Variants in KIRREL3 observed in about 807,000 individuals in gnomAD.
The protein encoded by KIRREL3 is kin of IRRE-like protein 3.
In KIRREL3, 36 loss-of-function variants were observed where a neutral mutation model predicts 89.7. The ratio of observed to expected loss-of-function variants is 0.40; its 90% CI spans 0.31 to 0.53. The LOEUF is 0.53. KIRREL3 is among the 20% of genes least tolerant of loss of function. The probability of loss-of-function intolerance (pLI) is 0.49; values close to 1 mark genes in which losing one functional copy is unlikely to be tolerated. For missense variants in KIRREL3, 864 were observed against 1,056.6 expected (o/e 0.82, Z 2.53); for synonymous variants, 445 against 441.4 (o/e 1.01, Z -0.10).
chr11:126,738,965 CTG>C (rs2134213737), intron 1 of KIRREL3, among the ~76,000 whole-genome samples: 1 of 152,344 alleles, frequency 6.6e-6, no homozygotes, highest in Non-Finnish European at 1.5e-5. Context: ...TGACTGCCTA[CTG>C]TGTTCCAGGT....
rs778757216 is a variant in KIRREL3 at position 126,526,734 on chromosome 11, G to A, written c.134-47C>T. 1.3e-5 allele frequency: 20 copies of A among 1,529,850 alleles called. No individual in the cohort carries two copies. The South Asian group carries it at 2.4e-4, about 18-fold the overall frequency. 94.8% of individuals were successfully genotyped at this position (1,529,850 alleles called of 1,614,324 possible). ...TGGTCAGTTATCTGCCGGCTACAGGGGCGAGAAGGCTCCCCTCCAGCTATG... is the reference window on the plus strand; with the variant it reads ...TGGTCAGTTATCTGCCGGCTACAGGAGCGAGAAGGCTCCCCTCCAGCTATG... On this transcript the variant is annotated intron_variant, in intron 2 of 16. Coordinates refer to ENST00000525144, the MANE Select transcript of KIRREL3 (RefSeq NM_032531.4). The surrounding 1 kb of genome is among the most constrained non-coding windows in gnomAD (Gnocchi z 5.7).
chr11:126,644,620 G>A (rs1944594593), intron 1 of KIRREL3, among the ~76,000 whole-genome samples: 1 of 152,164 alleles, frequency 6.6e-6, no homozygotes, highest in Admixed American at 6.5e-5. Flanking sequence ...GGAAGATGGA[G>A]TCATGTCCAG....
At chr11:126,539,349 T>C (rs1468487367) in intron 2 of KIRREL3, among the ~76,000 whole-genome samples, 2 of 152,142 alleles carry the variant, frequency 1.3e-5, no homozygotes, top group Non-Finnish European at 2.9e-5. Flanking sequence ...GTGTGGGCCC[T>C]TGAACGTGTG....
chr11:126,629,015 G>A (rs1294198031), intron 1 of KIRREL3, among the ~76,000 whole-genome samples: 2 of 152,218 alleles, frequency 1.3e-5, no homozygotes, highest in Non-Finnish European at 2.9e-5. Context: ...TGGAATGCAG[G>A]CAGAAGATTT....
In KIRREL3 at chr11:126,537,369, T is replaced by C. The variant is rs184758084; in HGVS notation, c.134-10682A>G. On this transcript the variant is annotated intron_variant, in intron 2 of 16. Coordinates refer to ENST00000525144, the MANE Select transcript of KIRREL3 (RefSeq NM_032531.4). This position sits in a 1 kb window ranked among gnomAD's most constrained non-coding sequence, Gnocchi z 4.3. ...ATAAAGTGGTCTCATAGAGAAGTCATATAAAGCTTTTCAGGGGTTTAAGAG... is the reference window on the plus strand; with the variant it reads ...ATAAAGTGGTCTCATAGAGAAGTCACATAAAGCTTTTCAGGGGTTTAAGAG... Among the ~76,000 whole-genome samples, 1 of 152,260 alleles carries C rather than the reference T, an allele frequency of 6.6e-6. No homozygotes were observed. Among genetic ancestry groups the C allele is most frequent in the East Asian group, 1.9e-4 (1 of 5,166 alleles).
At chr11:126,675,932 C>T (rs575250919) in intron 1 of KIRREL3, among the ~76,000 whole-genome samples, 192 of 152,142 alleles carry the variant, frequency 1.3e-3, no homozygotes, top group South Asian at 9.2e-3. Context: ...ATTGAATGAA[C>T]GTGTTGACTG....
rs1347785873 is a variant in KIRREL3 at position 126,876,625 on chromosome 11, C to T, written c.55+123830G>A. The stretch of plus-strand genomic sequence containing the variant: ...CGACCTTGGCCCACTGCAACCTCCA[C>T]CTCCAGGGTTCAAGCAATTGTCCTG... On this transcript the variant is annotated intron_variant, in intron 1 of 16. Transcript: ENST00000525144. This position sits in a 1 kb window ranked among gnomAD's most constrained non-coding sequence, Gnocchi z 4.1. Among the ~76,000 whole-genome samples, 1 of 151,806 alleles carries T rather than the reference C, an allele frequency of 6.6e-6. No homozygotes were observed. The highest frequency in any genetic ancestry group is 2.4e-5 in the African/African-American group (1 of 41,314).
rs544762484 is a variant in KIRREL3, at chr11:126,576,744, T to C, written c.56-13832A>G. On this transcript the variant is annotated intron_variant, in intron 1 of 16. Coordinates refer to ENST00000525144, the MANE Select transcript of KIRREL3 (RefSeq NM_032531.4). The surrounding 1 kb of genome is among the most constrained non-coding windows in gnomAD (Gnocchi z 5.4). ...TTTGCTTCCTTTCTTCTCAGGCACT[T>C]AGATTTTTGATGCACACTGAGAGGG... is the stretch of plus-strand genomic sequence containing the variant. 6.1e-4 allele frequency among the ~76,000 whole-genome samples: 93 copies of C among 152,290 alleles called. No individual in the cohort carries two copies. The South Asian group carries it at 7.7e-3, about 13-fold the overall frequency.
At chr11:126,847,014 A>G (rs544827343) in intron 1 of KIRREL3, among the ~76,000 whole-genome samples, 1 of 152,198 alleles carries the variant, frequency 6.6e-6, no homozygotes, top group Non-Finnish European at 1.5e-5. Flanking sequence ...CTCTTTAACA[A>G]AATTACAAAG....
Position 126,455,350 on chromosome 11 carries a change from G to A in KIRREL3, c.848+999C>T, listed in dbSNP as rs1591566531. Among the ~76,000 whole-genome samples, 1 of 152,216 alleles carries A rather than the reference G, an allele frequency of 6.6e-6. No homozygotes were observed. The highest frequency in any genetic ancestry group is 1.5e-5 in the Non-Finnish European group (1 of 68,040). On this transcript the variant is annotated intron_variant, in intron 7 of 16. Coordinates refer to ENST00000525144, the MANE Select transcript of KIRREL3 (RefSeq NM_032531.4). This position sits in a 1 kb window ranked among gnomAD's most constrained non-coding sequence, Gnocchi z 6.4. ...GCAGAAAGGCGCCCAGAGGAAGCGT[G>A]TGTTTATTGGATCAGTCAGACACAT...
rs1206123729 is a variant in KIRREL3, at chr11:126,454,094, CG to C, written c.848+2254del. 1.4e-5 allele frequency among the ~76,000 whole-genome samples: 2 copies of C among 138,648 alleles called. No homozygotes were observed. The highest frequency in any genetic ancestry group is 2.0e-4 in the East Asian group (1 of 4,944). 91.0% of individuals were successfully genotyped at this position (138,648 alleles called of 152,430 possible). A position where few individuals can be genotyped will look rare whatever the true frequency, so the allele number is the denominator to read the frequency against. ...GTCCCATTAACTGCCACCCTCCCAT[CG>C]CCCGGATTCACCAGCTGTTAACATT... On this transcript the variant is annotated intron_variant, in intron 7 of 16. Coordinates refer to ENST00000525144, the MANE Select transcript of KIRREL3 (RefSeq NM_032531.4). This position sits in a 1 kb window ranked among gnomAD's most constrained non-coding sequence, Gnocchi z 5.8.
At chr11:126,839,127 G>A (rs1312323918) in intron 1 of KIRREL3, among the ~76,000 whole-genome samples, 1 of 152,192 alleles carries the variant, frequency 6.6e-6, no homozygotes, top group Admixed American at 6.5e-5. Flanking sequence ...AGCGTCCATG[G>A]AGAGCGCCTT....
intron 1 of KIRREL3, among the ~76,000 whole-genome samples, chr11:126,902,380 T>C (rs769855346): frequency 6.6e-5 from 10 of 152,230 alleles, no homozygotes; most frequent in Non-Finnish European, 8.8e-5. Context: ...ATTCTTTGGA[T>C]TGAATTAATC....
rs1484557931 is a variant in KIRREL3, at chr11:126,459,563, T to A, written c.743-3109A>T. On this transcript the variant is annotated intron_variant, in intron 6 of 16. Coordinates refer to ENST00000525144, the MANE Select transcript of KIRREL3 (RefSeq NM_032531.4). This position sits in a 1 kb window ranked among gnomAD's most constrained non-coding sequence, Gnocchi z 4.8. ...GCCAAGCTCCAGAGGTATAAATAGT[T>A]TATGTCATATCCAACTATTAAACAT... 6.6e-6 allele frequency among the ~76,000 whole-genome samples: 1 copy of A among 152,216 alleles called. No homozygotes were observed. Among genetic ancestry groups the A allele is most frequent in the Non-Finnish European group, 1.5e-5 (1 of 68,038 alleles).
chr11:126,706,323 A>C (rs2134131179), intron 1 of KIRREL3, among the ~76,000 whole-genome samples: 1 of 152,346 alleles, frequency 6.6e-6, no homozygotes, highest in African/African-American at 2.4e-5. Context: ...TTTTTAATTA[A>C]TACCACACTT....
At chr11:126,857,789 G>GGGGGGGC (rs748059523) in intron 1 of KIRREL3, among the ~76,000 whole-genome samples, 2 of 61,142 alleles carry the variant, frequency 3.3e-5, no homozygotes, top group Non-Finnish European at 6.8e-5. Context: ...CTGTGGGGGT[G>GGGGGGGC]GGGTGGGTGA....
intron 2 of KIRREL3, among the ~76,000 whole-genome samples, chr11:126,542,629 C>G (rs573910707): frequency 1.3e-5 from 2 of 152,318 alleles, no homozygotes; most frequent in South Asian, 4.1e-4. Flanking sequence ...GTGCACCCCA[C>G]CTTCCCCATC....
At chr11:126,482,090 G>T (rs574805046) in intron 4 of KIRREL3, among the ~76,000 whole-genome samples, 4 of 152,192 alleles carry the variant, frequency 2.6e-5, no homozygotes, top group Non-Finnish European at 5.9e-5. Context: ...CCAGGCTGGA[G>T]TGCAATGGCA....
chr11:126,936,803 A>G (rs1335039374), intron 1 of KIRREL3: 2 of 152,222 alleles, frequency 1.3e-5, no homozygotes, highest in African/African-American at 4.8e-5. Context: ...CTTGGGAGAG[A>G]TGGAATTGTT....
Sources: allele counts gnomAD v4.1 joint callset (sites outside exome capture counted in the v4.1 genomes callset), GRCh38; gene constraint gnomAD v4.1.1; non-coding constraint Gnocchi (gnomAD v3.1); transcripts MANE v1.5; gene names NCBI Gene and HGNC (gene_info 2026-07-23, HGNC 2026-07-21).